CADPS: variants seen among roughly 807,000 people sequenced by gnomAD.
CADPS encodes the protein calcium-dependent secretion activator 1.
Under a neutral mutation model 167.3 loss-of-function variants are expected in CADPS, and 57 were observed. The ratio of observed to expected loss-of-function variants is 0.34; its 90% CI spans 0.28 to 0.42. The LOEUF is 0.42. CADPS is among the 20% of genes least tolerant of loss of function. The pLI, the probability that CADPS is intolerant of heterozygous loss-of-function variation, is 1.00. For missense variants in CADPS, 1,414 were observed against 1,738.1 expected (o/e 0.81, Z 3.32); for synonymous variants, 676 against 635.3 (o/e 1.06, Z -0.96).
chr3:62,646,603 T>C (rs2068648663), intron 5 of CADPS, among the ~76,000 whole-genome samples: 1 of 152,234 alleles, frequency 6.6e-6, no homozygotes, highest in South Asian at 2.1e-4. Context: ...GGGCAAGTAC[T>C]ATTCAGCATT....
chr3:62,589,448 G>C (rs995530416), intron 7 of CADPS, among the ~76,000 whole-genome samples: 1 of 152,270 alleles, frequency 6.6e-6, no homozygotes, highest in African/African-American at 2.4e-5. Context: ...GTGTGGGGCT[G>C]TGGCAAGCCC....
chr3:62,468,545 A>G (rs1238921936), intron 24 of CADPS, among the ~76,000 whole-genome samples: 1 of 152,166 alleles, frequency 6.6e-6, no homozygotes, highest in African/African-American at 2.4e-5. Context: ...CCCAAGAGAA[A>G]CAAGCTTTCT....
At chr3:62,624,057 T>A (rs2149525220) in intron 6 of CADPS, among the ~76,000 whole-genome samples, 1 of 152,152 alleles carries the variant, frequency 6.6e-6, no homozygotes, top group East Asian at 1.9e-4. Context: ...TTCTAGAACG[T>A]TTTAAAGTCC....
intron 3 of CADPS, among the ~76,000 whole-genome samples, chr3:62,693,207 C>T (rs553511441): frequency 6.6e-6 from 1 of 152,204 alleles, no homozygotes; most frequent in South Asian, 2.1e-4. Context: ...CCCAGAAGTG[C>T]TCATCACCCC....
At chr3:62,451,160 C>A (rs57454853) in intron 26 of CADPS, among the ~76,000 whole-genome samples, 9,767 of 152,048 alleles carry the variant, frequency 0.064, 375 homozygotes, top group East Asian at 0.17. Context: ...CAGCTAATTA[C>A]CTCGACCCTC....
chr3:62,594,152 AT>A (rs1322670285), intron 6 of CADPS, among the ~76,000 whole-genome samples: 7 of 137,290 alleles, frequency 5.1e-5, no homozygotes, highest in African/African-American at 1.6e-4. Context: ...TATTTTTTTT[AT>A]TTTTTTTATT....
intron 6 of CADPS, among the ~76,000 whole-genome samples, chr3:62,598,925 A>G (rs1417775346): frequency 1.3e-5 from 2 of 152,164 alleles, no homozygotes; most frequent in South Asian, 2.1e-4. Flanking sequence ...CACGTGTTCA[A>G]TATACTTCAC....
At chr3:62,439,914 G>A (rs1038819250) in intron 27 of CADPS, 4 of 152,154 alleles carry the variant, frequency 2.6e-5, no homozygotes, top group Non-Finnish European at 4.4e-5. Flanking sequence ...CTTCATTCAA[G>A]TTTTAAAAAC....
At chr3:62,633,386 C>A (rs2149751901) in intron 6 of CADPS, among the ~76,000 whole-genome samples, 2 of 152,226 alleles carry the variant, frequency 1.3e-5, no homozygotes, top group South Asian at 4.1e-4. Flanking sequence ...ATACATAAAT[C>A]CAACCAGGTT....
intron 1 of CADPS, among the ~76,000 whole-genome samples, chr3:62,795,633 G>A (rs1173100288): frequency 6.6e-6 from 1 of 151,930 alleles, no homozygotes; most frequent in Non-Finnish European, 1.5e-5. Context: ...TATTCATTGA[G>A]TGCCCACAAA....
chr3:62,477,609 G>C (rs1002093908), intron 23 of CADPS, among the ~76,000 whole-genome samples: 3 of 152,074 alleles, frequency 2.0e-5, no homozygotes, highest in Non-Finnish European at 4.4e-5. Flanking sequence ...AGAACAGTCT[G>C]CCTGGGAACT....
At chr3:62,852,831 A>G (rs905728050) in intron 1 of CADPS, among the ~76,000 whole-genome samples, 4 of 152,232 alleles carry the variant, frequency 2.6e-5, no homozygotes, top group South Asian at 2.1e-4. Flanking sequence ...AACACTTCAT[A>G]TCTGAGTTAT....
chr3:62,513,868 T>G (rs958561213), intron 16 of CADPS, among the ~76,000 whole-genome samples: 2 of 151,944 alleles, frequency 1.3e-5, no homozygotes, highest in African/African-American at 4.8e-5. Flanking sequence ...AAATTGGAGA[T>G]CTACTGGATT....
intron 1 of CADPS, among the ~76,000 whole-genome samples, chr3:62,872,824 G>T (rs138122224): frequency 6.6e-6 from 1 of 152,026 alleles, no homozygotes. Context: ...CACCCCTTTC[G>T]ACCTAACACT....
At chr3:62,848,231 C>A (rs1475929843) in intron 1 of CADPS, among the ~76,000 whole-genome samples, 1 of 135,988 alleles carries the variant, frequency 7.4e-6, no homozygotes, top group African/African-American at 3.1e-5. Context: ...TTGTAGGTTG[C>A]CTGTTCACTC....
intron 4 of CADPS, among the ~76,000 whole-genome samples, chr3:62,661,058 G>A (rs559673681): frequency 2.7e-4 from 41 of 152,272 alleles, no homozygotes; most frequent in Non-Finnish European, 4.9e-4. Flanking sequence ...GAAGCATTTA[G>A]CATGCTAGAC....
chr3:62,874,904 C>G lies in CADPS; in HGVS notation c.126G>C (p.Ser42=), dbSNP rs2083393018. 5.0e-6 allele frequency: 7 copies of G among 1,402,450 alleles called. No homozygotes were observed. The highest frequency in any genetic ancestry group is 5.6e-6 in the Non-Finnish European group (6 of 1,071,278). 86.9% of individuals were successfully genotyped at this position (1,402,450 alleles called of 1,614,324 possible). ...RLSPSRTSEG[S]AGSAGLGGGG... The stretch of plus-strand genomic sequence containing the variant: ...CGCCCCCCAGCCCGGCGCTGCCGGC[C>G]GAGCCCTCGCTGGTACGGCTGGGAG... Residue 42 remains serine (S), a synonymous_variant, in exon 1 of 30, where the codon TCG becomes TCC. Coordinates refer to ENST00000383710, the MANE Select transcript of CADPS (RefSeq NM_003716.4). The surrounding 1 kb of genome is among the most constrained non-coding windows in gnomAD (Gnocchi z 7.1).
rs1309556940 is a variant in CADPS at position 62,420,026 on chromosome 3, G to A, written c.3778-16841C>T. On this transcript the variant is annotated intron_variant, in intron 28 of 29. Coordinates refer to ENST00000383710, the MANE Select transcript of CADPS (RefSeq NM_003716.4). This position sits in a 1 kb window ranked among gnomAD's most constrained non-coding sequence, Gnocchi z 4.1. ...TTAGGGAGTTGCTTTCCCGGGCTGA[G>A]GTGGTTTTCATCATTACTCTCAACA... 6.6e-6 allele frequency among the ~76,000 whole-genome samples: 1 copy of A among 152,014 alleles called. No homozygotes were observed. The highest frequency in any genetic ancestry group is 1.9e-4 in the East Asian group (1 of 5,180).
intron 28 of CADPS, among the ~76,000 whole-genome samples, chr3:62,411,448 G>GA (rs1213945232): frequency 6.6e-6 from 1 of 152,066 alleles, no homozygotes; most frequent in African/African-American, 2.4e-5. Flanking sequence ...TTATTTAAGG[G>GA]AAAAAACCCC....
Sources: allele counts gnomAD v4.1 joint callset (sites outside exome capture counted in the v4.1 genomes callset), GRCh38; gene constraint gnomAD v4.1.1; non-coding constraint Gnocchi (gnomAD v3.1); transcripts MANE v1.5; gene names NCBI Gene and HGNC (gene_info 2026-07-23, HGNC 2026-07-21).